The following FTO variants were observed in gnomAD, a reference collection of about 807,000 sequenced individuals.
FTO encodes alpha-ketoglutarate-dependent dioxygenase FTO.
FTO carries 47 observed loss-of-function variants against 63.9 expected under a neutral mutation model. The observed-to-expected ratio is 0.74, with a 90% CI of 0.58 to 0.94. FTO has a LOEUF of 0.94. FTO is among the 40% of genes least tolerant of loss of function. The pLI, the probability that FTO is intolerant of heterozygous loss-of-function variation, is 0.00. For missense variants in FTO, 562 were observed against 618.1 expected, an observed-to-expected ratio of 0.91 and a Z score of 0.96; for synonymous variants, 207 against 224.4, an observed-to-expected ratio of 0.92 and a Z score of 0.69.
intron 1 of FTO, among the ~76,000 whole-genome samples, chr16:53,705,381 C>T (rs757719458): frequency 1.4e-4 from 21 of 152,204 alleles, no homozygotes; most frequent in Admixed American, 5.9e-4. Flanking sequence ...ACTCTGCTCT[C>T]TGCCTACCAG....
intron 4 of FTO, among the ~76,000 whole-genome samples, chr16:53,852,233 G>A (rs1463537150): frequency 2.0e-5 from 3 of 151,180 alleles, no homozygotes; most frequent in Non-Finnish European, 2.9e-5. Context: ...CTGTGATCGC[G>A]CCACTGCACT....
At chr16:53,732,889 A>G (rs1204870377) in intron 1 of FTO, among the ~76,000 whole-genome samples, 1 of 152,188 alleles carries the variant, frequency 6.6e-6, no homozygotes, top group Non-Finnish European at 1.5e-5. Flanking sequence ...GGAATCTGGC[A>G]TCAGGGAAGG....
chr16:53,950,767 G>A (rs2082776734), intron 8 of FTO, among the ~76,000 whole-genome samples: 1 of 152,142 alleles, frequency 6.6e-6, no homozygotes, highest in South Asian at 2.1e-4. Flanking sequence ...CCATAGTGGG[G>A]AATTATGAGG....
chr16:53,911,025 C>T (rs148320780), intron 7 of FTO, among the ~76,000 whole-genome samples: 46 of 152,304 alleles, frequency 3.0e-4, no homozygotes, highest in African/African-American at 9.4e-4. Context: ...GCCGGTATAC[C>T]GAACATCTCA....
At chr16:54,023,647 C>T (rs1048286023) in intron 8 of FTO, among the ~76,000 whole-genome samples, 3 of 152,182 alleles carry the variant, frequency 2.0e-5, no homozygotes, top group Non-Finnish European at 2.9e-5. Flanking sequence ...GAAGGGGGAA[C>T]GATGGGCTTT....
intron 1 of FTO, among the ~76,000 whole-genome samples, chr16:53,762,103 A>T (rs1260229675): frequency 6.6e-6 from 1 of 152,176 alleles, no homozygotes; most frequent in African/African-American, 2.4e-5. Context: ...TAGTCATTAT[A>T]CTGAGGTTGG....
intron 8 of FTO, among the ~76,000 whole-genome samples, chr16:54,051,930 A>G (rs2085322321): frequency 6.6e-6 from 1 of 152,216 alleles, no homozygotes; most frequent in African/African-American, 2.4e-5. Flanking sequence ...GTTCTGGAAC[A>G]AGGTTGTTTG....
chr16:53,709,147 C>A (rs1200591669), intron 1 of FTO, among the ~76,000 whole-genome samples: 1 of 152,034 alleles, frequency 6.6e-6, no homozygotes. Context: ...TTTCTTTTCT[C>A]TTTGAAATAA....
At chr16:53,759,685 C>A (rs1404705979) in intron 1 of FTO, among the ~76,000 whole-genome samples, 4 of 107,618 alleles carry the variant, frequency 3.7e-5, no homozygotes, top group Non-Finnish European at 5.3e-5. Context: ...CCGAAAAAGA[C>A]TCCTTCTCAA....
At chr16:53,816,985 C>G (rs557984844) in intron 2 of FTO, among the ~76,000 whole-genome samples, 2 of 152,258 alleles carry the variant, frequency 1.3e-5, no homozygotes, top group East Asian at 3.9e-4. Flanking sequence ...TTATTCCCTG[C>G]TCCCACAGCA....
intron 8 of FTO, among the ~76,000 whole-genome samples, chr16:54,018,425 CATA>C (rs1567519998): frequency 4.0e-4 from 50 of 123,952 alleles, no homozygotes; most frequent in Non-Finnish European, 7.4e-4. Flanking sequence ...TACATACATA[CATA>C]CATACATACA....
At position 53,957,392 on chromosome 16, in the gene FTO, C is replaced by T. The variant is rs1047831450; in HGVS notation, c.1364+23283C>T. Among the ~76,000 whole-genome samples the T allele has an allele frequency of 2.0e-5, 3 of 152,316 alleles. No homozygotes were observed. In the South Asian group the frequency reaches 6.2e-4, roughly 32 times the overall value. ...TTGCTTTGAGATCTGAAACTGTCCT[C>T]TCTGAATTTCTTCATGGTTCATTGT... On this transcript the variant is annotated intron_variant, in intron 8 of 8. Transcript: ENST00000471389.
At chr16:53,940,432 C>T (rs917163028) in intron 8 of FTO, among the ~76,000 whole-genome samples, 11 of 152,162 alleles carry the variant, frequency 7.2e-5, no homozygotes, top group Non-Finnish European at 1.5e-4. Context: ...CACGTTTCCC[C>T]GTTACCATGG....
intron 7 of FTO, among the ~76,000 whole-genome samples, chr16:53,926,744 G>C (rs2082147468): frequency 6.6e-6 from 1 of 151,990 alleles, no homozygotes; most frequent in South Asian, 2.1e-4. Flanking sequence ...TGTTTTTAGG[G>C]AATTACAGTT....
intron 1 of FTO, among the ~76,000 whole-genome samples, chr16:53,758,487 A>G (rs541282618): frequency 5.3e-5 from 8 of 152,308 alleles, no homozygotes; most frequent in Admixed American, 3.3e-4. Flanking sequence ...CCAGCCCAAT[A>G]AAAAATATAT....
chr16:53,788,223 T>C (rs2077800970), intron 1 of FTO, among the ~76,000 whole-genome samples: 1 of 151,610 alleles, frequency 6.6e-6, no homozygotes, highest in African/African-American at 2.4e-5. Flanking sequence ...GTAAATTCTT[T>C]CTCTTTCGTC....
chr16:53,883,642 A>AC lies in FTO; in HGVS notation c.1119+3655_1119+3656insC, dbSNP rs1190662398. Among the ~76,000 whole-genome samples the AC allele has an allele frequency of 3.8e-4, 57 of 150,560 alleles. 1 individual carries two copies. The East Asian group carries it at 6.5e-3, about 17-fold the overall frequency. ...TATCTCAAAAAAAAAAAAACAAAAA[A>AC]AAAAAAACAAATTTGTCTGCTTCAG... is the stretch of plus-strand genomic sequence containing the variant. On this transcript the variant is annotated intron_variant, in intron 6 of 8. Coordinates refer to ENST00000471389, the MANE Select transcript of FTO (RefSeq NM_001080432.3).
At chr16:53,828,158 T>TA (rs530981098) in intron 3 of FTO, among the ~76,000 whole-genome samples, 340 of 152,340 alleles carry the variant, frequency 2.2e-3, no homozygotes, top group African/African-American at 7.9e-3. Flanking sequence ...TGTTGGTACT[T>TA]AAAGAGGGAA....
intron 2 of FTO, among the ~76,000 whole-genome samples, chr16:53,820,168 C>G (rs1300335689): frequency 1.3e-5 from 2 of 151,820 alleles, no homozygotes; most frequent in African/African-American, 4.8e-5. Flanking sequence ...GCCACCACGC[C>G]CAGCTAGTTT....
Sources: gnomAD v4.1 joint callset for allele counts (sites outside exome capture counted in the v4.1 genomes callset) on GRCh38, gnomAD v4.1.1 for gene constraint, MANE v1.5 for transcripts, NCBI Gene and HGNC (gene_info 2026-07-23, HGNC 2026-07-21) for gene names.